The following RFC3 variants were observed in gnomAD, a reference collection of about 807,000 sequenced individuals.
The protein encoded by RFC3 is A1 38 kDa subunit.
In RFC3, 41 loss-of-function variants were observed where a neutral mutation model predicts 45.1. The observed-to-expected ratio is 0.91, with a 90% confidence interval of 0.71 to 1.18. The LOEUF (loss-of-function observed/expected upper bound fraction) is 1.18, where lower values mean the gene tolerates loss of function less well. RFC3 is among the 50% of genes most tolerant of loss of function. The probability of loss-of-function intolerance (pLI) is 0.00; values close to 1 mark genes in which losing one functional copy is unlikely to be tolerated. For synonymous variants in RFC3, 149 were observed against 144.0 expected, an observed-to-expected ratio of 1.03 and a Z score of -0.25; for missense variants, 423 against 428.1, an observed-to-expected ratio of 0.99 and a Z score of 0.10.
intron 8 of RFC3, among the ~76,000 whole-genome samples, chr13:33,943,678 C>T (rs148820038): frequency 4.0e-4 from 61 of 152,224 alleles, no homozygotes; most frequent in African/African-American, 1.4e-3. Flanking sequence ...GGCTTGTAGT[C>T]CTCTTCCAAG....
chr13:33,895,247 A>G (rs1323359700), intron 8 of RFC3, among the ~76,000 whole-genome samples: 2 of 152,222 alleles, frequency 1.3e-5, no homozygotes, highest in South Asian at 2.1e-4. Flanking sequence ...TACAAAGTAT[A>G]TATCTGACAC....
chr13:33,951,677 G>A (rs1017325758), intron 8 of RFC3, among the ~76,000 whole-genome samples: 3 of 152,176 alleles, frequency 2.0e-5, no homozygotes, highest in Non-Finnish European at 2.9e-5. Context: ...AAGGTTTAGA[G>A]TAAATCATCT....
At chr13:33,946,433 G>A (rs1469189119) in intron 8 of RFC3, among the ~76,000 whole-genome samples, 1 of 152,036 alleles carries the variant, frequency 6.6e-6, no homozygotes, top group East Asian at 1.9e-4. Context: ...ACTCCCAAGA[G>A]CTTTTGTTAA....
intron 8 of RFC3, among the ~76,000 whole-genome samples, chr13:33,944,517 C>T (rs965452486): frequency 6.6e-6 from 1 of 152,078 alleles, no homozygotes; most frequent in Non-Finnish European, 1.5e-5. Context: ...GCCCTAGAAA[C>T]TGTTGGTTAT....
At chr13:33,869,942 G>C (rs997268051) in intron 8 of RFC3, among the ~76,000 whole-genome samples, 12 of 152,234 alleles carry the variant, frequency 7.9e-5, no homozygotes, top group African/African-American at 2.9e-4. Context: ...TACAAATCTC[G>C]GAGAAAGAAG....
At chr13:33,895,006 G>C (rs1214177018) in intron 8 of RFC3, among the ~76,000 whole-genome samples, 2 of 152,272 alleles carry the variant, frequency 1.3e-5, no homozygotes, top group South Asian at 2.1e-4. Flanking sequence ...ATCAACTCAT[G>C]ATGGATCAAG....
chr13:33,859,183 T>C (rs1354353979), intron 8 of RFC3, among the ~76,000 whole-genome samples: 1 of 152,038 alleles, frequency 6.6e-6, no homozygotes, highest in Non-Finnish European at 1.5e-5. Flanking sequence ...GCTGTGAGAG[T>C]CAAAACTCCA....
intron 8 of RFC3, among the ~76,000 whole-genome samples, chr13:33,890,595 A>G (rs190177910): frequency 9.5e-4 from 144 of 152,330 alleles, no homozygotes; most frequent in Middle Eastern, 3.4e-3. Flanking sequence ...CGGAAAATCT[A>G]TGAATCTTTG....
chr13:33,846,739 T>G lies in RFC3; in HGVS notation c.879+11522T>G, dbSNP rs2082239876. 4 of 55,744 alleles carry G rather than the reference T, an allele frequency of 7.2e-5. No homozygotes were observed. The South Asian group carries it at 2.2e-3, about 31-fold the overall frequency. 3.5% of individuals were successfully genotyped at this position (55,744 alleles called of 1,614,324 possible). A position where few individuals can be genotyped will look rare whatever the true frequency, so the allele number is the denominator to read the frequency against. On this transcript the variant is annotated intron_variant, in intron 8 of 8. Coordinates refer to the RFC3 transcript ENST00000434425. The stretch of plus-strand genomic sequence containing the variant: ...TTCAAGTTTATTTAGGACCCCAGAG[T>G]GCTTTAGCCCATGATGATGGTGCTA...
chr13:33,935,559 A>G (rs1428783479), intron 8 of RFC3, among the ~76,000 whole-genome samples: 1 of 152,190 alleles, frequency 6.6e-6, no homozygotes, highest in Non-Finnish European at 1.5e-5. Context: ...AGTGGTTCAC[A>G]TAATTGCTGG....
At chr13:33,826,669 T>C (rs1174147351) in intron 4 of RFC3, among the ~76,000 whole-genome samples, 1 of 146,548 alleles carries the variant, frequency 6.8e-6, no homozygotes, top group African/African-American at 2.7e-5. Flanking sequence ...TATATGTGAG[T>C]TACTAACATA....
At chr13:33,881,730 T>C (rs1043629174) in intron 8 of RFC3, among the ~76,000 whole-genome samples, 3 of 152,206 alleles carry the variant, frequency 2.0e-5, no homozygotes, top group African/African-American at 7.2e-5. Flanking sequence ...GCTCCAGTTC[T>C]CTCAGTCCCG....
At chr13:33,855,949 C>A (rs968011644) in intron 8 of RFC3, among the ~76,000 whole-genome samples, 2 of 152,304 alleles carry the variant, frequency 1.3e-5, no homozygotes, top group Admixed American at 6.5e-5. Flanking sequence ...GTTTCTTTTG[C>A]TGTGCAGAAG....
intron 8 of RFC3, among the ~76,000 whole-genome samples, chr13:33,922,082 G>GGTGCCT (rs2082772516): frequency 1.3e-5 from 2 of 151,848 alleles, no homozygotes; most frequent in African/African-American, 4.8e-5. Context: ...TGTTTAAAGT[G>GGTGCCT]GTGCCTGGCA....
At chr13:33,927,259 T>G (rs1015957549) in intron 8 of RFC3, among the ~76,000 whole-genome samples, 1 of 151,860 alleles carries the variant, frequency 6.6e-6, no homozygotes, top group East Asian at 1.9e-4. Context: ...GATTTGCAAT[T>G]TGGGGCACAT....
intron 8 of RFC3, among the ~76,000 whole-genome samples, chr13:33,855,485 A>G (rs530871993): frequency 6.6e-6 from 1 of 152,286 alleles, no homozygotes; most frequent in African/African-American, 2.4e-5. Flanking sequence ...ATCCTTTGGT[A>G]TATACCAGTA....
intron 8 of RFC3, among the ~76,000 whole-genome samples, chr13:33,945,170 T>C (rs2082947380): frequency 6.6e-6 from 1 of 152,190 alleles, no homozygotes; most frequent in African/African-American, 2.4e-5. Flanking sequence ...TCATATTCTT[T>C]CATACTATTA....
intron 8 of RFC3, among the ~76,000 whole-genome samples, chr13:33,937,150 A>G (rs2082891831): frequency 6.6e-6 from 1 of 152,310 alleles, no homozygotes; most frequent in African/African-American, 2.4e-5. Flanking sequence ...GAGTCGCCCC[A>G]TAAGATTACA....
chr13:33,914,306 A>G (rs2082720402), intron 8 of RFC3, among the ~76,000 whole-genome samples: 1 of 152,116 alleles, frequency 6.6e-6, no homozygotes, highest in Non-Finnish European at 1.5e-5. Context: ...TGAGCATTTG[A>G]AAAGTAATTA....
Sources: allele counts gnomAD v4.1 joint callset (sites outside exome capture counted in the v4.1 genomes callset), GRCh38; gene constraint gnomAD v4.1.1; transcripts MANE v1.5; gene names NCBI Gene and HGNC (gene_info 2026-07-23, HGNC 2026-07-21).